RBFOX1: variants seen among roughly 807,000 people sequenced by gnomAD.
RBFOX1 encodes RNA binding fox-1 homolog 1.
Under a neutral mutation model 57.7 loss-of-function variants are expected in RBFOX1, and 8 were observed. The ratio of observed to expected loss-of-function variants is 0.14; its 90% CI spans 0.08 to 0.25. The LOEUF (loss-of-function observed/expected upper bound fraction) is 0.25, where lower values mean the gene tolerates loss of function less well. Among genes scored for constraint, RBFOX1 ranks in the 10% least tolerant of loss-of-function variants. The pLI is 1.00. For missense variants in RBFOX1, 611 were observed against 548.5 expected (o/e 1.11, Z -1.14); for synonymous variants, 326 against 222.4 (o/e 1.47, Z -4.15).
chr16:7,001,904 G>A (rs1468242298), intron 3 of RBFOX1, among the ~76,000 whole-genome samples: 2 of 151,998 alleles, frequency 1.3e-5, no homozygotes, highest in South Asian at 2.1e-4. Flanking sequence ...AGTAAGCGGG[G>A]GTCCCCAAAA....
chr16:5,736,754 C>G (rs1048516252), intron 3 of RBFOX1, among the ~76,000 whole-genome samples: 1 of 151,862 alleles, frequency 6.6e-6, no homozygotes, highest in Non-Finnish European at 1.5e-5. Context: ...GTGTCTGTCT[C>G]TTTGCTCTGC....
chr16:5,560,482 T>C (rs1051768471), intron 2 of RBFOX1, among the ~76,000 whole-genome samples: 2 of 152,194 alleles, frequency 1.3e-5, no homozygotes, highest in African/African-American at 4.8e-5. Context: ...TTATGTATTT[T>C]ATTTCTCTGT....
intron 3 of RBFOX1, among the ~76,000 whole-genome samples, chr16:7,028,836 AT>A (rs2041798410): frequency 6.6e-6 from 1 of 150,986 alleles, no homozygotes; most frequent in Non-Finnish European, 1.5e-5. Context: ...TGGACAGCTT[AT>A]GAGAAAAGGT....
intron 2 of RBFOX1, among the ~76,000 whole-genome samples, chr16:6,353,827 C>T (rs2086818958): frequency 6.6e-6 from 1 of 152,178 alleles, no homozygotes; most frequent in African/African-American, 2.4e-5. Context: ...AAGGCACAGT[C>T]CACATGACAC....
chr16:7,036,709 AC>A (rs2044542597), intron 3 of RBFOX1, among the ~76,000 whole-genome samples: 1 of 134,542 alleles, frequency 7.4e-6, no homozygotes, highest in African/African-American at 2.5e-5. Flanking sequence ...AAACAAACAA[AC>A]AAAAAAAACA....
chr16:7,409,154 G>A (rs113286976), intron 4 of RBFOX1, among the ~76,000 whole-genome samples: 11 of 152,274 alleles, frequency 7.2e-5, no homozygotes, highest in South Asian at 4.1e-4. Context: ...TCAGGTTCCG[G>A]GAGCTGGAGG....
At chr16:5,295,025 T>TAA (rs34929778) in intron 1 of RBFOX1, among the ~76,000 whole-genome samples, 6,427 of 80,316 alleles carry the variant, frequency 0.08, 818 homozygotes, top group African/African-American at 0.2. Context: ...GTGAGACTCT[T>TAA]AAAAAAAAAA....
Position 6,678,726 on chromosome 16 carries a change from C to T in RBFOX1, c.-16+24076C>T, listed in dbSNP as rs183372264. Reference sequence around the variant, plus strand: ...CTCTGTGTATCTCAGAGTAGATGCTCTGACTGATTAATTGGAAGAAGTGCT... The same window carrying T: ...CTCTGTGTATCTCAGAGTAGATGCTTTGACTGATTAATTGGAAGAAGTGCT... On this transcript the variant is annotated intron_variant, in intron 3 of 15. Transcript: ENST00000550418. Among the ~76,000 whole-genome samples the T allele has an allele frequency of 5.3e-5, 8 of 152,048 alleles. No individual in the cohort carries two copies. The East Asian group carries it at 1.4e-3, about 26-fold the overall frequency.
At chr16:6,828,896 A>G (rs2092456749) in intron 3 of RBFOX1, among the ~76,000 whole-genome samples, 1 of 152,196 alleles carries the variant, frequency 6.6e-6, no homozygotes, top group African/African-American at 2.4e-5. Context: ...ACATAAAGGT[A>G]GCAGCCCCAA....
chr16:7,627,202 A>C (rs2060215163), intron 10 of RBFOX1, among the ~76,000 whole-genome samples: 1 of 147,490 alleles, frequency 6.8e-6, no homozygotes, highest in Non-Finnish European at 1.5e-5. Flanking sequence ...AAAAAAAAAA[A>C]GTCAATTTGA....
intron 3 of RBFOX1, among the ~76,000 whole-genome samples, chr16:6,940,605 T>A (rs2078207927): frequency 6.6e-6 from 1 of 152,134 alleles, no homozygotes; most frequent in African/African-American, 2.4e-5. Flanking sequence ...TGTACACTTC[T>A]TTTCTTTTTT....
At chr16:5,724,989 G>T (rs1409555681) in intron 3 of RBFOX1, among the ~76,000 whole-genome samples, 1 of 152,162 alleles carries the variant, frequency 6.6e-6, no homozygotes, top group African/African-American at 2.4e-5. Context: ...CTCAAACCTT[G>T]CCCATTGAGA....
At chr16:7,281,673 A>C (rs1011206495) in intron 4 of RBFOX1, among the ~76,000 whole-genome samples, 1 of 152,200 alleles carries the variant, frequency 6.6e-6, no homozygotes, top group Non-Finnish European at 1.5e-5. Flanking sequence ...AGCCACTGAG[A>C]GCAATATGCA....
chr16:7,610,038 C>T (rs907707723), intron 10 of RBFOX1, among the ~76,000 whole-genome samples: 2 of 149,946 alleles, frequency 1.3e-5, no homozygotes, highest in African/African-American at 4.9e-5. Context: ...GGATGGTCTC[C>T]ATCTCCTGAC....
At chr16:6,575,373 G>C (rs923031670) in intron 2 of RBFOX1, among the ~76,000 whole-genome samples, 3 of 152,080 alleles carry the variant, frequency 2.0e-5, no homozygotes, top group Non-Finnish European at 2.9e-5. Flanking sequence ...TAGATTGCTG[G>C]AAACTGTGAC....
intron 4 of RBFOX1, among the ~76,000 whole-genome samples, chr16:7,466,813 A>T (rs1289046786): frequency 1.3e-5 from 2 of 152,194 alleles, no homozygotes; most frequent in Non-Finnish European, 2.9e-5. Context: ...ACACAATGCT[A>T]GGTTGGGGAC....
intron 3 of RBFOX1, among the ~76,000 whole-genome samples, chr16:6,781,394 C>T (rs569094740): frequency 5.3e-4 from 81 of 151,958 alleles, no homozygotes; most frequent in African/African-American, 1.5e-3. Flanking sequence ...TTTCTTTTTT[C>T]GTTGTGTATT....
At chr16:6,712,017 C>T (rs2063798957) in intron 3 of RBFOX1, among the ~76,000 whole-genome samples, 1 of 152,184 alleles carries the variant, frequency 6.6e-6, no homozygotes, top group African/African-American at 2.4e-5. Context: ...CGCTCTCTTT[C>T]TCTGTCTCAC....
intron 2 of RBFOX1, among the ~76,000 whole-genome samples, chr16:6,404,668 C>A (rs1402767528): frequency 6.6e-6 from 1 of 152,138 alleles, no homozygotes; most frequent in Non-Finnish European, 1.5e-5. Flanking sequence ...AGTGCTAGAA[C>A]AGGGAGAGTA....
Sources: allele counts gnomAD v4.1 joint callset (sites outside exome capture counted in the v4.1 genomes callset), GRCh38; gene constraint gnomAD v4.1.1; transcripts MANE v1.5; gene names NCBI Gene and HGNC (gene_info 2026-07-23, HGNC 2026-07-21).